The following CAPN8 variants were observed in gnomAD, a reference collection of about 807,000 sequenced individuals.
The protein encoded by CAPN8 is calpain 8.
Under a neutral mutation model 80.9 loss-of-function variants are expected in CAPN8, and 87 were observed. The observed-to-expected ratio is 1.07, with a 90% CI of 0.90 to 1.28. The LOEUF (loss-of-function observed/expected upper bound fraction) is 1.28. CAPN8 is among the 50% of genes most tolerant of loss of function. The pLI is 0.00. For synonymous variants in CAPN8, 299 were observed against 273.8 expected (o/e 1.09, Z -0.91); for missense variants, 757 against 702.0 (o/e 1.08, Z -0.89).
At chr1:223,557,521 C>A (rs1289023346) in intron 13 of CAPN8, among the ~76,000 whole-genome samples, 1 of 152,162 alleles carries the variant, frequency 6.6e-6, no homozygotes, top group Non-Finnish European at 1.5e-5. Context: ...ATCCGCCACA[C>A]CCACCATCTG....
chr1:223,621,548 T>C (rs1572236854), intron 7 of CAPN8, among the ~76,000 whole-genome samples: 1 of 152,144 alleles, frequency 6.6e-6, no homozygotes, highest in Non-Finnish European at 1.5e-5. Context: ...TTTAGGGAAG[T>C]TGGCGGAACT....
At chr1:223,665,364 G>T (rs1252170476) in intron 1 of CAPN8, 46 bp downstream of exon 1, 61 of 1,463,654 alleles carry the variant, frequency 4.2e-5, no homozygotes, top group Non-Finnish European at 5.3e-5. Flanking sequence ...CAGATGTAAG[G>T]CCCCTCCACC....
chr1:223,648,227 G>A (rs1464163008), intron 2 of CAPN8, among the ~76,000 whole-genome samples: 7 of 152,194 alleles, frequency 4.6e-5, no homozygotes, highest in African/African-American at 1.4e-4. Flanking sequence ...GATGCGCCGC[G>A]GAGTAGAGGA....
intron 1 of CAPN8, among the ~76,000 whole-genome samples, chr1:223,654,952 G>C (rs888113845): frequency 6.7e-5 from 10 of 150,066 alleles, no homozygotes; most frequent in Admixed American, 2.0e-4. Flanking sequence ...GCCTCCCAAA[G>C]TGCTGGGATT....
chr1:223,542,968 T>G, intron 20 of CAPN8, 140 bp downstream of exon 20: 1 of 816,234 alleles, frequency 1.2e-6, no homozygotes, highest in South Asian at 1.9e-5. Context: ...TCCTCCCTGC[T>G]GGGTGCCTGC....
chr1:223,623,674 T>C (rs375145978), intron 6 of CAPN8, among the ~76,000 whole-genome samples: 5 of 152,154 alleles, frequency 3.3e-5, no homozygotes, highest in Non-Finnish European at 7.4e-5. Context: ...ACATGTTCAA[T>C]TCCCATTTAT....
intron 2 of CAPN8, among the ~76,000 whole-genome samples, chr1:223,651,752 T>C (rs2102733831): frequency 6.6e-6 from 1 of 152,348 alleles, no homozygotes; most frequent in South Asian, 2.1e-4. Context: ...CTTGGAATGG[T>C]TCACAGAGAA....
At chr1:223,628,598 G>T in intron 3 of CAPN8, 64 bp downstream of exon 3, 2 of 1,275,592 alleles carry the variant, frequency 1.6e-6, no homozygotes, top group Non-Finnish European at 2.2e-6. Flanking sequence ...CTGACGCAGT[G>T]GACCTGCAGT....
intron 2 of CAPN8, among the ~76,000 whole-genome samples, chr1:223,643,590 G>A (rs1239310734): frequency 6.6e-6 from 1 of 152,264 alleles, no homozygotes; most frequent in Non-Finnish European, 1.5e-5. Flanking sequence ...CTTAAAGGGA[G>A]TAGTAGAGGG....
At chr1:223,642,914 C>T (rs990867214) in intron 2 of CAPN8, 12 of 429,812 alleles carry the variant, frequency 2.8e-5, no homozygotes, top group African/African-American at 2.5e-4. Context: ...TTAAATCAGA[C>T]CTTTAATGCT....
At chr1:223,543,287 C>T (rs1364087658) in intron 19 of CAPN8, 121 bp from the exon 20 acceptor site, 9 of 1,183,410 alleles carry the variant, frequency 7.6e-6, no homozygotes, top group Middle Eastern at 2.8e-4. Context: ...CCTACCACCC[C>T]CTCCCCTCCA....
At chr1:223,614,907 G>T (rs559013987) in intron 10 of CAPN8, among the ~76,000 whole-genome samples, 1 of 152,330 alleles carries the variant, frequency 6.6e-6, no homozygotes, top group East Asian at 1.9e-4. Context: ...AGTAGAATTG[G>T]AGTTTATTTA....
At chr1:223,549,427 A>G in intron 15 of CAPN8, 45 bp from the exon 16 acceptor site, 1 of 1,550,948 alleles carries the variant, frequency 6.4e-7, no homozygotes, top group Non-Finnish European at 8.7e-7. Context: ...GGATCATTTG[A>G]AGGTGAGGGA....
chr1:223,651,206 C>A (rs1472287621), intron 2 of CAPN8, among the ~76,000 whole-genome samples: 1 of 152,038 alleles, frequency 6.6e-6, no homozygotes, highest in Non-Finnish European at 1.5e-5. Flanking sequence ...GGAACAGCAA[C>A]TTTGAAGAAC....
intron 2 of CAPN8, among the ~76,000 whole-genome samples, chr1:223,636,844 A>G (rs1013385000): frequency 6.8e-6 from 1 of 147,014 alleles, no homozygotes; most frequent in Non-Finnish European, 1.5e-5. Context: ...AATTCACCTC[A>G]GTGTAATTGT....
At chr1:223,615,861 C>G (rs1233510749) in intron 10 of CAPN8, 109 bp downstream of exon 10, 12 of 1,373,278 alleles carry the variant, frequency 8.7e-6, no homozygotes, top group Non-Finnish European at 1.1e-5. Context: ...GGACGCTTCT[C>G]GATTAGGAAT....
intron 2 of CAPN8, among the ~76,000 whole-genome samples, chr1:223,652,334 C>T (rs1055186421): frequency 6.6e-6 from 1 of 151,780 alleles, no homozygotes; most frequent in African/African-American, 2.4e-5. Flanking sequence ...AGAGCCAGGC[C>T]CTGTCTCAAA....
Position 223,541,703 on chromosome 1 carries a change from T to G in CAPN8, c.*133A>C. The G allele has an allele frequency of 4.2e-6, 6 of 1,425,676 alleles. No individual in the cohort carries two copies. The highest frequency in any genetic ancestry group is 5.8e-6 in the Non-Finnish European group (6 of 1,035,120). 88.3% of individuals were successfully genotyped at this position (1,425,676 alleles called of 1,614,324 possible). ...AGCTCATAGCTCAGTGCTGCTGAAA[T>G]AGACCCAGGGCAAGAAAGGTATGAA... is the stretch of plus-strand genomic sequence containing the variant. On this transcript the variant is annotated 3_prime_UTR_variant, in exon 21 of 21. Transcript: ENST00000366872.
At chr1:223,618,159 A>G (rs1406470204) in intron 9 of CAPN8, 1 of 1,441,286 alleles carries the variant, frequency 6.9e-7, no homozygotes, top group Non-Finnish European at 9.5e-7. Context: ...GAACATGGGG[A>G]GCAGGAGGTG....
Sources: gnomAD v4.1 joint callset for allele counts (sites outside exome capture counted in the v4.1 genomes callset) on GRCh38, gnomAD v4.1.1 for gene constraint, MANE v1.5 for transcripts, NCBI Gene and HGNC (gene_info 2026-07-23, HGNC 2026-07-21) for gene names.